The following USP10 variants were observed in gnomAD, a reference collection of about 807,000 sequenced individuals.
The protein encoded by USP10 is ubiquitin specific peptidase 10, also known as ubiquitin carboxyl-terminal hydrolase 10.
Under a neutral mutation model 84.5 loss-of-function variants are expected in USP10, and 22 were observed. The observed-to-expected ratio is 0.26, with a 90% CI of 0.19 to 0.37. The LOEUF is 0.37. Ranked by LOEUF, USP10 falls within the 10% of genes least tolerant of loss-of-function variation. USP10 has a pLI of 1.00. For synonymous variants in USP10, 454 were observed against 387.6 expected (o/e 1.17, Z -2.01); for missense variants, 1,019 against 998.9 (o/e 1.02, Z -0.27).
At chr16:84,778,817 G>C in intron 13 of USP10, 78 bp from the exon 14 acceptor site, 1 of 1,420,110 alleles carries the variant, frequency 7.0e-7, no homozygotes, top group Non-Finnish European at 9.6e-7. Context: ...TGCATCCCTG[G>C]AGGGAAGTCG....
intron 4 of USP10, among the ~76,000 whole-genome samples, chr16:84,750,291 C>G (rs569289452): frequency 8.6e-5 from 13 of 151,830 alleles, no homozygotes; most frequent in Middle Eastern, 3.4e-3. Flanking sequence ...GGCTGTAATC[C>G]TAGCTACTGA....
chr16:84,713,092 G>A (rs1216951634), intron 1 of USP10, among the ~76,000 whole-genome samples: 1 of 152,198 alleles, frequency 6.6e-6, no homozygotes, highest in African/African-American at 2.4e-5. Context: ...TGTGTCACCA[G>A]TGAACATGGA....
Position 84,773,184 on chromosome 16 carries a change from A to T in USP10, c.2143+499A>T, listed in dbSNP as rs546302205. Among the ~76,000 whole-genome samples the T allele has an allele frequency of 1.6e-3, 234 of 149,880 alleles. 1 individual carries two copies. The highest frequency in any genetic ancestry group is 5.8e-3 in the African/African-American group (226 of 39,240). ...CTCGGCACTTTTTGAAAGCAATTTT[A>T]AAGAGCCCCAGGTTAAAGGCATCTT... On this transcript the variant is annotated intron_variant, in intron 12 of 13. Transcript: ENST00000219473.
intron 1 of USP10, among the ~76,000 whole-genome samples, chr16:84,717,324 C>T (rs1211114466): frequency 6.6e-6 from 1 of 152,070 alleles, no homozygotes; most frequent in African/African-American, 2.4e-5. Context: ...TAGGAATCCT[C>T]CCTTTTAGAA....
At chr16:84,713,268 C>T (rs971642924) in intron 1 of USP10, among the ~76,000 whole-genome samples, 1 of 152,152 alleles carries the variant, frequency 6.6e-6, no homozygotes, top group Admixed American at 6.5e-5. Flanking sequence ...TGTCTGTCCC[C>T]GAGACCCTCT....
At chr16:84,716,718 G>T (rs549347916) in intron 1 of USP10, among the ~76,000 whole-genome samples, 1 of 152,282 alleles carries the variant, frequency 6.6e-6, no homozygotes, top group African/African-American at 2.4e-5. Flanking sequence ...GATCTTAGGT[G>T]CACGACCTTC....
At chr16:84,764,940 AT>A (rs1440487607) in intron 10 of USP10, among the ~76,000 whole-genome samples, 6 of 28,646 alleles carry the variant, frequency 2.1e-4, no homozygotes, top group African/African-American at 9.0e-4. Flanking sequence ...AGAAAAAAAA[AT>A]ATATATATAT....
chr16:84,745,251 C>T lies in USP10; in HGVS notation c.770C>T (p.Ala257Val). ...GADFGQSCFP[A>V]EAGRDTLSRT... ...GATTTTGGTCAGTCCTGCTTCCCTG[C>T]AGAGGCTGGCAGAGACACCCTGTCA... is the stretch of plus-strand genomic sequence containing the variant. Residue 257 changes from alanine (A) to valine (V), a missense_variant, in exon 4 of 14, where the codon GCA becomes GTA. By Grantham distance (64) the Ala-to-Val change is moderately conservative. Around this residue, in one of 2 missense-constraint regions of USP10, gnomAD observed 787 missense variants for 708.8 expected, o/e 1.11. Coordinates refer to ENST00000219473, the MANE Select transcript of USP10 (RefSeq NM_005153.3). 1 of 1,613,424 alleles carries T rather than the reference C, an allele frequency of 6.2e-7. No individual in the cohort carries two copies. The highest frequency in any genetic ancestry group is 1.1e-5 in the South Asian group (1 of 91,050).
In USP10 at chr16:84,745,589, T is replaced by A. The variant is rs1490054511; in HGVS notation, c.1108T>A (p.Ser370Thr). 6.2e-7 allele frequency: 1 copy of A among 1,613,506 alleles called. No individual in the cohort carries two copies. The change falls in exon 4 of 14, where the codon TCT (serine) becomes ACT (threonine). Residue 370 changes from serine to threonine, a missense_variant. Transcript: ENST00000219473. ...VETKYSPPAI[S>T]PLVSEKQVEV... Reference sequence around the variant, plus strand: ...AACTAAGTATTCCCCTCCCGCCATATCTCCCCTGGTTTCTGAAAAGCAGGT... The same window carrying A: ...AACTAAGTATTCCCCTCCCGCCATAACTCCCCTGGTTTCTGAAAAGCAGGT...
At position 84,769,543 on chromosome 16, in the gene USP10, A is replaced by AT. The variant is rs1226316455; in HGVS notation, c.1998+1188dup. On this transcript the variant is annotated intron_variant, in intron 11 of 13. Coordinates refer to ENST00000219473, the MANE Select transcript of USP10 (RefSeq NM_005153.3). ...GGAAGAGAGAGAGGGAAAAAGTGGT[A>AT]TTTGTGTTGGGGAGGTTGGTTGGGT... 4.7e-5 allele frequency among the ~76,000 whole-genome samples: 7 copies of AT among 150,482 alleles called. No homozygotes were observed. In the Admixed American group the frequency reaches 4.7e-4, roughly 10 times the overall value.
chr16:84,779,267 C>G lies in USP10; in HGVS notation c.*185C>G. 1.8e-6 allele frequency: 1 copy of G among 565,500 alleles called. No individual in the cohort carries two copies. Among genetic ancestry groups the G allele is most frequent in the Non-Finnish European group, 3.0e-6 (1 of 335,748 alleles). The allele number at this position is 565,500 out of a possible 1,614,324, so 35.0% of individuals were successfully genotyped here. A position where few individuals can be genotyped will look rare whatever the true frequency, so the allele number is the denominator to read the frequency against. ...CACAGCTTCTGTTGACTCTAACTTC[C>G]AAATCAAAATCATTTGGTTGAAACA... On this transcript the variant is annotated 3_prime_UTR_variant, in exon 14 of 14. Transcript: ENST00000219473.
At chr16:84,777,468 G>T (rs1351946352) in intron 13 of USP10, among the ~76,000 whole-genome samples, 1 of 152,212 alleles carries the variant, frequency 6.6e-6, no homozygotes, top group Non-Finnish European at 1.5e-5. Context: ...TGTCATGGGT[G>T]CTTCCTGCCC....
In USP10 at chr16:84,744,808, C is replaced by T; in HGVS notation, c.327C>T (p.Ser109=). Reference sequence around the variant, plus strand: ...CTGATGGTATCACTAAAGAAGCAAGCTATGGCTCCATCGACTGCCAGTACC... The same window carrying T: ...CTGATGGTATCACTAAAGAAGCAAGTTATGGCTCCATCGACTGCCAGTACC... ...ITPDGITKEA[S]YGSIDCQYPG... Residue 109 remains serine (S), a synonymous_variant, in exon 4 of 14, where the codon AGC becomes AGT. Coordinates refer to ENST00000219473, the MANE Select transcript of USP10 (RefSeq NM_005153.3). 2 of 1,613,708 alleles carry T rather than the reference C, an allele frequency of 1.2e-6. No individual in the cohort carries two copies. Among genetic ancestry groups the T allele is most frequent in the Admixed American group, 3.3e-5 (2 of 59,996 alleles).
At chr16:84,719,921 A>T (rs6564069) in intron 1 of USP10, among the ~76,000 whole-genome samples, 73,364 of 152,030 alleles carry the variant, frequency 0.48, 18,696 homozygotes, top group African/African-American at 0.65. Context: ...CTAGTATACC[A>T]CTTTTTGCAT....
intron 1 of USP10, among the ~76,000 whole-genome samples, chr16:84,705,390 C>A (rs965552292): frequency 1.3e-5 from 2 of 152,094 alleles, no homozygotes; most frequent in African/African-American, 4.8e-5. Flanking sequence ...CGCCACCATG[C>A]CCAGCTAATT....
chr16:84,763,602 G>T (rs765919290), intron 9 of USP10, among the ~76,000 whole-genome samples: 1 of 152,244 alleles, frequency 6.6e-6, no homozygotes, highest in Non-Finnish European at 1.5e-5. Context: ...CGACTTTGCA[G>T]AGCATCTTCA....
intron 1 of USP10, among the ~76,000 whole-genome samples, chr16:84,705,860 C>T (rs1033141025): frequency 6.6e-6 from 1 of 151,278 alleles, no homozygotes; most frequent in Non-Finnish European, 1.5e-5. Flanking sequence ...GCTGGGATTA[C>T]AGGTGCCTGC....
At chr16:84,721,016 C>G (rs1418048354) in intron 1 of USP10, among the ~76,000 whole-genome samples, 1 of 151,436 alleles carries the variant, frequency 6.6e-6, no homozygotes, top group African/African-American at 2.4e-5. Context: ...GCCTCAGCCT[C>G]TCGAGTAGCC....
At chr16:84,732,572 G>A (rs538725881) in intron 1 of USP10, 11 of 339,002 alleles carry the variant, frequency 3.2e-5, no homozygotes, top group African/African-American at 4.6e-5. Context: ...TCAGCCTCCC[G>A]AGCAGCCGGG....
Sources: gnomAD v4.1 joint callset for allele counts (sites outside exome capture counted in the v4.1 genomes callset) on GRCh38, gnomAD v4.1.1 for gene constraint, gnomAD v4.1.1 regional missense constraint, MANE v1.5 for transcripts, NCBI Gene and HGNC (gene_info 2026-07-23, HGNC 2026-07-21) for gene names.